Variants in EGLN1 observed in about 807,000 individuals in gnomAD.
EGLN1 encodes egl nine homolog 1.
A neutral mutation model predicts 38.3 loss-of-function variants in EGLN1; 17 were observed. That is an observed-to-expected ratio of 0.44 (90% confidence interval 0.30 to 0.67). The LOEUF is 0.67. EGLN1 is among the 30% of genes least tolerant of loss of function. The pLI, the probability that EGLN1 is intolerant of heterozygous loss-of-function variation, is 0.08. For synonymous variants in EGLN1, 283 were observed against 257.5 expected, an observed-to-expected ratio of 1.10 and a Z score of -0.95; for missense variants, 477 against 603.3, an observed-to-expected ratio of 0.79 and a Z score of 2.19.
chr1:231,415,853 T>C (rs1689066739), intron 1 of EGLN1, among the ~76,000 whole-genome samples: 1 of 148,886 alleles, frequency 6.7e-6, no homozygotes, highest in African/African-American at 2.4e-5. Context: ...TTATCTTTCT[T>C]TTTTTTTTTT....
chr1:231,368,589 T>A (rs1687724482), intron 3 of EGLN1, among the ~76,000 whole-genome samples: 1 of 152,176 alleles, frequency 6.6e-6, no homozygotes, highest in African/African-American at 2.4e-5. Context: ...GGAAAATGTA[T>A]AAACGCTATA....
intron 1 of EGLN1, among the ~76,000 whole-genome samples, chr1:231,399,760 C>A (rs1381748356): frequency 6.6e-6 from 1 of 152,118 alleles, no homozygotes; most frequent in Non-Finnish European, 1.5e-5. Context: ...AATGGCAGAG[C>A]TGGGTTTTAA....
At chr1:231,409,861 T>C (rs1372837224) in intron 1 of EGLN1, among the ~76,000 whole-genome samples, 1 of 152,026 alleles carries the variant, frequency 6.6e-6, no homozygotes, top group Non-Finnish European at 1.5e-5. Flanking sequence ...ATCATACTGA[T>C]GAGGAAATTA....
At chr1:231,398,347 G>A (rs1484058660) in intron 1 of EGLN1, among the ~76,000 whole-genome samples, 1 of 151,744 alleles carries the variant, frequency 6.6e-6, no homozygotes, top group Non-Finnish European at 1.5e-5. Context: ...TTTTTTTAAA[G>A]AGATGGGGGT....
At chr1:231,372,133 C>A (rs1041683301) in intron 2 of EGLN1, among the ~76,000 whole-genome samples, 3 of 152,190 alleles carry the variant, frequency 2.0e-5, no homozygotes, top group Non-Finnish European at 4.4e-5. Context: ...GGCTACTTGA[C>A]ACTTCCACTC....
At chr1:231,383,901 C>T (rs1449774236) in intron 1 of EGLN1, among the ~76,000 whole-genome samples, 1 of 152,012 alleles carries the variant, frequency 6.6e-6, no homozygotes, top group African/African-American at 2.4e-5. Flanking sequence ...CATAAGAGAT[C>T]CTGTACTTTA....
chr1:231,411,858 G>A (rs1383369617), intron 1 of EGLN1, among the ~76,000 whole-genome samples: 4 of 151,532 alleles, frequency 2.6e-5, no homozygotes, highest in Non-Finnish European at 5.9e-5. Context: ...AATTAGCCAG[G>A]TGTGGTGGTG....
chr1:231,366,270 C>A lies in EGLN1; in HGVS notation c.*141G>T. ...AGCAGTCAAAATCTTCTGTTTGATG[C>A]AACACAAAAAGTTGTTTCTGTTTCC... is the stretch of plus-strand genomic sequence containing the variant. On this transcript the variant is annotated 3_prime_UTR_variant, in exon 5 of 5. Coordinates refer to ENST00000366641, the MANE Select transcript of EGLN1 (RefSeq NM_022051.3). The A allele has an allele frequency of 1.2e-6, 1 of 846,578 alleles. No individual in the cohort carries two copies. The highest frequency in any genetic ancestry group is 1.9e-6 in the Non-Finnish European group (1 of 515,780). The allele number at this position is 846,578 out of a possible 1,614,324, so 52.4% of individuals were successfully genotyped here.
intron 1 of EGLN1, among the ~76,000 whole-genome samples, chr1:231,406,973 CA>C (rs1688814314): frequency 6.6e-6 from 1 of 152,100 alleles, no homozygotes; most frequent in Non-Finnish European, 1.5e-5. Context: ...TGTAACCACC[CA>C]AAACTACAAC....
At chr1:231,416,074 A>C (rs1689071635) in intron 1 of EGLN1, among the ~76,000 whole-genome samples, 1 of 152,070 alleles carries the variant, frequency 6.6e-6, no homozygotes, top group Admixed American at 6.6e-5. Context: ...GATGGTCTCA[A>C]TCCCTCGACC....
chr1:231,380,301 GCGAGACTC>G (rs1230031180), intron 1 of EGLN1, among the ~76,000 whole-genome samples: 1 of 126,556 alleles, frequency 7.9e-6, no homozygotes, highest in Non-Finnish European at 1.6e-5. Flanking sequence ...GGGCGACAGA[GCGAGACTC>G]CGTCTCAAAA....
chr1:231,363,910 G>C lies in EGLN1; in HGVS notation c.*2501C>G, dbSNP rs1687566112. 1 of 152,130 alleles carries C rather than the reference G, an allele frequency of 6.6e-6. No individual in the cohort carries two copies. Among genetic ancestry groups the C allele is most frequent in the Non-Finnish European group, 1.5e-5 (1 of 68,018 alleles). The allele number at this position is 152,130 out of a possible 1,614,324, so 9.4% of individuals were successfully genotyped here. On this transcript the variant is annotated 3_prime_UTR_variant, in exon 5 of 5. Transcript: ENST00000366641. ...CTTTGCCTACTCTTGATAAAGGTCT[G>C]TGTTTTACAGCTGGTTAATGTGTTG... is the stretch of plus-strand genomic sequence containing the variant.
At position 231,421,940 on chromosome 1, in the gene EGLN1, G is replaced by A. The variant is rs1656645053; in HGVS notation, c.-52C>T. 2 of 1,343,890 alleles carry A rather than the reference G, an allele frequency of 1.5e-6. No individual in the cohort carries two copies. Among genetic ancestry groups the A allele is most frequent in the South Asian group, 1.9e-5 (1 of 51,904 alleles). The allele number at this position is 1,343,890 out of a possible 1,614,324, so 83.2% of individuals were successfully genotyped here. ...CTGCGGCGGCCGAGCAGGAGGGGTA[G>A]CGGCCGGACGGCCTCGCCCGAGGCT... On this transcript the variant is annotated 5_prime_UTR_variant, in exon 1 of 5. Coordinates refer to ENST00000366641, the MANE Select transcript of EGLN1 (RefSeq NM_022051.3). The surrounding 1 kb of genome is among the most constrained non-coding windows in gnomAD (Gnocchi z 5.5).
intron 1 of EGLN1, among the ~76,000 whole-genome samples, chr1:231,420,525 A>C (rs537719550): frequency 6.6e-6 from 1 of 152,244 alleles, no homozygotes; most frequent in African/African-American, 2.4e-5. Flanking sequence ...TTCCTAACTG[A>C]ACACAGCGTT....
chr1:231,372,770 G>A (rs1354679057), intron 2 of EGLN1, among the ~76,000 whole-genome samples: 1 of 152,188 alleles, frequency 6.6e-6, no homozygotes, highest in Non-Finnish European at 1.5e-5. Flanking sequence ...AAAGATTAGT[G>A]AAGCACTGTG....
chr1:231,394,680 C>T lies in EGLN1; in HGVS notation c.892-20581G>A, dbSNP rs190547789. ...CTGGGATTACATGCATAAGCCACCACGCCTGGCCAGTCCCAATTTTCTTAT... is the reference window on the plus strand; with the variant it reads ...CTGGGATTACATGCATAAGCCACCATGCCTGGCCAGTCCCAATTTTCTTAT... On this transcript the variant is annotated intron_variant, in intron 1 of 4. Coordinates refer to ENST00000366641, the MANE Select transcript of EGLN1 (RefSeq NM_022051.3). Among the ~76,000 whole-genome samples the T allele has an allele frequency of 4.2e-3, 633 of 152,056 alleles. 5 individuals are homozygous for T. Among genetic ancestry groups the T allele is most frequent in the African/African-American group, 0.015 (604 of 41,444 alleles).
At chr1:231,376,825 CA>C (rs1687969785) in intron 1 of EGLN1, among the ~76,000 whole-genome samples, 1 of 152,090 alleles carries the variant, frequency 6.6e-6, no homozygotes, top group Non-Finnish European at 1.5e-5. Context: ...GCAAGTTGGG[CA>C]AATCTCTGAA....
chr1:231,405,498 A>G (rs1290522334), intron 1 of EGLN1, among the ~76,000 whole-genome samples: 4 of 152,164 alleles, frequency 2.6e-5, no homozygotes, highest in South Asian at 4.1e-4. Context: ...TTTTTTAAAA[A>G]GTCTTTTACA....
intron 1 of EGLN1, among the ~76,000 whole-genome samples, chr1:231,419,454 C>T (rs1332660700): frequency 6.6e-6 from 1 of 152,132 alleles, no homozygotes; most frequent in Non-Finnish European, 1.5e-5. Flanking sequence ...GCTTATGTCC[C>T]AACTATATAC....
Sources: gnomAD v4.1 joint callset for allele counts (sites outside exome capture counted in the v4.1 genomes callset) on GRCh38, gnomAD v4.1.1 for gene constraint, Gnocchi (gnomAD v3.1) non-coding constraint, MANE v1.5 for transcripts, NCBI Gene and HGNC (gene_info 2026-07-23, HGNC 2026-07-21) for gene names.